SLC2A12: variants seen among roughly 807,000 people sequenced by gnomAD.
The protein encoded by SLC2A12 is solute carrier family 2 member 12, also known as solute carrier family 2, facilitated glucose transporter member 12.
In SLC2A12, 23 loss-of-function variants were observed where a neutral mutation model predicts 41.8. That is an observed-to-expected ratio of 0.55 (90% confidence interval 0.40 to 0.78). The LOEUF is 0.78. Among genes scored for constraint, SLC2A12 ranks in the 30% least tolerant of loss-of-function variants. The pLI is 0.00. For missense variants in SLC2A12, 654 were observed against 745.6 expected, an observed-to-expected ratio of 0.88 and a Z score of 1.43; for synonymous variants, 295 against 285.9, an observed-to-expected ratio of 1.03 and a Z score of -0.32.
intron 4 of SLC2A12, among the ~76,000 whole-genome samples, chr6:133,999,617 T>C (rs886583257): frequency 2.2e-4 from 34 of 152,160 alleles, no homozygotes; most frequent in Non-Finnish European, 4.1e-4. Flanking sequence ...GAGAAGCCAC[T>C]GGGGAGGACT....
At chr6:134,022,006 G>T (rs1343167860) in intron 2 of SLC2A12, among the ~76,000 whole-genome samples, 1 of 152,128 alleles carries the variant, frequency 6.6e-6, no homozygotes, top group East Asian at 1.9e-4. Context: ...CACTTTGTCC[G>T]TTATGTGGAG....
chr6:133,996,835 A>G lies in SLC2A12; in HGVS notation c.1700+5162T>C, dbSNP rs115113868. On this transcript the variant is annotated intron_variant, in intron 4 of 4. Transcript: ENST00000275230. ...AACTTACTGTATTTTTTTGTCTCTG[A>G]CATTTCTCTGTTGGAAACCTTGTTT... Among the ~76,000 whole-genome samples the G allele has an allele frequency of 7.0e-3, 1,062 of 152,088 alleles. 12 individuals carry two copies. The highest frequency in any genetic ancestry group is 0.023 in the African/African-American group (964 of 41,460).
At position 134,029,462 on chromosome 6, in the gene SLC2A12, G is replaced by A. The variant is rs1285684773; in HGVS notation, c.363C>T (p.Ser121=). The change falls in exon 2 of 5, where the codon AGC becomes AGT. Residue 121 remains serine, a synonymous_variant. Transcript: ENST00000275230. ...AGGATAAACTGAGGATCAAGACTAA[G>A]CTTCCGAGTCCAAGCAGGCAGGATG... ...ILSSCLLGLG[S]LVLILSLSYT... 6 of 1,614,162 alleles carry A rather than the reference G, an allele frequency of 3.7e-6. No homozygotes were observed. Among genetic ancestry groups the A allele is most frequent in the Non-Finnish European group, 4.2e-6 (5 of 1,180,050 alleles).
Position 134,028,575 on chromosome 6 carries a change from C to T in SLC2A12, c.1250G>A (p.Ser417Asn), listed in dbSNP as rs1777146959. The part of the protein sequence containing the change: ...HFKGISSHSR[S>N]SLMPLRNDVD... ...ATCATTTCTCAGGGGCATGAGTGAGCTTCTGCTATGGGAAGAAATCCCTTT... is the reference window on the plus strand; with the variant it reads ...ATCATTTCTCAGGGGCATGAGTGAGTTTCTGCTATGGGAAGAAATCCCTTT... The change falls in exon 2 of 5, where the codon AGC (serine) becomes AAC (asparagine). Residue 417 changes from serine (S) to asparagine (N), a missense_variant. Around this residue, in one of 3 missense-constraint regions of SLC2A12, gnomAD observed 411 missense variants for 412.1 expected, o/e 1.00. Coordinates refer to ENST00000275230, the MANE Select transcript of SLC2A12 (RefSeq NM_145176.3). 1 of 1,614,174 alleles carries T rather than the reference C, an allele frequency of 6.2e-7. No homozygotes were observed. The highest frequency in any genetic ancestry group is 1.3e-5 in the African/African-American group (1 of 75,058).
chr6:133,995,284 T>C (rs1224395467), intron 4 of SLC2A12, among the ~76,000 whole-genome samples: 1 of 151,960 alleles, frequency 6.6e-6, no homozygotes, highest in African/African-American at 2.4e-5. Context: ...AAGATGCAGA[T>C]GATGCAGCAG....
intron 1 of SLC2A12, among the ~76,000 whole-genome samples, chr6:134,047,071 C>T (rs531684184): frequency 5.9e-5 from 9 of 152,214 alleles, no homozygotes; most frequent in Admixed American, 3.3e-4. Context: ...AAAAATCATC[C>T]GCATTTGATA....
chr6:134,029,360 G>A lies in SLC2A12; in HGVS notation c.465C>T (p.Ile155=), dbSNP rs377021554. ...TTCTGTGTTGAGGAGCAATCTCTGCGATGTAAACACAAGTGGCAATGGAAG... is the reference window on the plus strand; with the variant it reads ...TTCTGTGTTGAGGAGCAATCTCTGCAATGTAAACACAAGTGGCAATGGAAG... ...SLSSIATCVY[I]AEIAPQHRRG... is the part of the protein sequence containing the mutation. Residue 155 remains isoleucine (I), a synonymous_variant, in exon 2 of 5, where the codon ATC becomes ATT. Transcript: ENST00000275230. The A allele has an allele frequency of 1.9e-5, 31 of 1,614,154 alleles. No individual in the cohort carries two copies. The highest frequency in any genetic ancestry group is 1.6e-4 in the Middle Eastern group (1 of 6,062).
chr6:134,003,228 A>C (rs1334238893), intron 3 of SLC2A12, among the ~76,000 whole-genome samples: 1 of 152,226 alleles, frequency 6.6e-6, no homozygotes, highest in Non-Finnish European at 1.5e-5. Flanking sequence ...ACCGCACTGC[A>C]GTTCTTTTGG....
intron 1 of SLC2A12, among the ~76,000 whole-genome samples, chr6:134,043,158 T>C (rs1269051546): frequency 6.6e-6 from 1 of 151,910 alleles, no homozygotes; most frequent in African/African-American, 2.4e-5. Flanking sequence ...GATTCAAGAA[T>C]ATGAAGGAAA....
chr6:134,044,599 A>G (rs1442378654), intron 1 of SLC2A12, among the ~76,000 whole-genome samples: 1 of 151,788 alleles, frequency 6.6e-6, no homozygotes, highest in Non-Finnish European at 1.5e-5. Context: ...CTGTAATCCC[A>G]GCTACTTGGG....
chr6:134,031,366 C>T (rs947009996), intron 1 of SLC2A12, among the ~76,000 whole-genome samples: 7 of 151,794 alleles, frequency 4.6e-5, no homozygotes, highest in East Asian at 1.9e-4. Context: ...CACTCCACCC[C>T]GGGCAACAGA....
chr6:134,040,186 C>T (rs1167238821), intron 1 of SLC2A12, among the ~76,000 whole-genome samples: 1 of 151,916 alleles, frequency 6.6e-6, no homozygotes, highest in African/African-American at 2.4e-5. Flanking sequence ...TCAAGTGATC[C>T]TCCCACCTCA....
At chr6:134,015,535 G>C (rs1030016516) in intron 2 of SLC2A12, among the ~76,000 whole-genome samples, 2 of 152,146 alleles carry the variant, frequency 1.3e-5, no homozygotes, top group Non-Finnish European at 2.9e-5. Flanking sequence ...AACAATGTCT[G>C]AAATTGCCTT....
chr6:134,007,271 C>A (rs1776827099), intron 2 of SLC2A12, among the ~76,000 whole-genome samples: 1 of 152,264 alleles, frequency 6.6e-6, no homozygotes, highest in Admixed American at 6.5e-5. Context: ...ACAAGAGAGC[C>A]AGCTCTGGAC....
chr6:134,013,717 C>A (rs371378831), intron 2 of SLC2A12, among the ~76,000 whole-genome samples: 2 of 152,060 alleles, frequency 1.3e-5, no homozygotes, highest in Admixed American at 1.3e-4. Flanking sequence ...GTGCTGATAA[C>A]TTGATTAGAT....
Position 134,028,971 on chromosome 6 carries a change from A to G in SLC2A12, c.854T>C (p.Leu285Pro). The change falls in exon 2 of 5, where the codon CTA becomes CCA. Residue 285 changes from leucine (L) to proline (P), a missense_variant. Transcript: ENST00000275230. The stretch of plus-strand genomic sequence containing the variant: ...GCCAGTGATTTGTACAAAAAATACT[A>G]GTGTTAGTCCTATCATTATTCGGGT... ...MRTRIMIGLT[L>P]VFFVQITGQP... The G allele has an allele frequency of 6.2e-7, 1 of 1,614,252 alleles. No homozygotes were observed. The highest frequency in any genetic ancestry group is 8.5e-7 in the Non-Finnish European group (1 of 1,180,042).
intron 2 of SLC2A12, among the ~76,000 whole-genome samples, chr6:134,019,473 G>A (rs1270285414): frequency 6.6e-6 from 1 of 152,248 alleles, no homozygotes; most frequent in Non-Finnish European, 1.5e-5. Flanking sequence ...GAGCTGAAGT[G>A]ATGATCAAGA....
chr6:134,034,726 G>A (rs1404191679), intron 1 of SLC2A12, among the ~76,000 whole-genome samples: 1 of 152,220 alleles, frequency 6.6e-6, no homozygotes, highest in Non-Finnish European at 1.5e-5. Context: ...ACACAGAGGT[G>A]AGAGTTTGGG....
At chr6:134,038,354 T>C (rs1485628655) in intron 1 of SLC2A12, among the ~76,000 whole-genome samples, 6 of 90,798 alleles carry the variant, frequency 6.6e-5, no homozygotes, top group Non-Finnish European at 1.1e-4. Flanking sequence ...TCTTTCTGCC[T>C]TTTTTTTTTT....
Sources: allele counts gnomAD v4.1 joint callset (sites outside exome capture counted in the v4.1 genomes callset), GRCh38; gene constraint gnomAD v4.1.1; regional missense constraint gnomAD v4.1.1; transcripts MANE v1.5; gene names NCBI Gene and HGNC (gene_info 2026-07-23, HGNC 2026-07-21).